Variants in QTGAL observed in about 807,000 individuals in gnomAD.
The protein encoded by QTGAL is queuosine-tRNA galactosyltransferase.
At chr17:83,028,531 A>G in the QTGAL span, among the ~76,000 whole-genome samples, 1 of 151,012 alleles carries the variant, frequency 6.6e-6, no homozygotes, top group African/African-American at 2.4e-5. Flanking sequence ...TCAAAAAAAA[A>G]AAAAAAAGAA....
At chr17:82,987,279 G>A in the QTGAL span, among the ~76,000 whole-genome samples, 1 of 151,854 alleles carries the variant, frequency 6.6e-6, no homozygotes, top group Non-Finnish European at 1.5e-5. Context: ...GCGAGAAAAA[G>A]GAAAAAATAA....
At chr17:83,012,453 G>A in the QTGAL span, among the ~76,000 whole-genome samples, 1 of 152,216 alleles carries the variant, frequency 6.6e-6, no homozygotes, top group Non-Finnish European at 1.5e-5. Flanking sequence ...TTAGACGTCT[G>A]TATGATTGAT....
At chr17:82,977,747 G>T in the QTGAL span, among the ~76,000 whole-genome samples, 391 of 152,272 alleles carry the variant, frequency 2.6e-3, 2 homozygotes, top group Non-Finnish European at 4.6e-3. Flanking sequence ...GGTGACGCCC[G>T]AGAGGAGAAG....
chr17:82,950,153 G>A, the QTGAL span, among the ~76,000 whole-genome samples: 3 of 152,204 alleles, frequency 2.0e-5, no homozygotes, highest in Non-Finnish European at 4.4e-5. Flanking sequence ...GCTGCCCCTG[G>A]AAGAACAAGC....
chr17:82,964,845 G>A, the QTGAL span, among the ~76,000 whole-genome samples: 3 of 108,382 alleles, frequency 2.8e-5, no homozygotes, highest in South Asian at 3.2e-4. Flanking sequence ...GGGAGGACGG[G>A]GACACGGACG....
the QTGAL span, among the ~76,000 whole-genome samples, chr17:83,038,114 T>C: frequency 6.6e-6 from 1 of 152,336 alleles, no homozygotes; most frequent in African/African-American, 2.4e-5. Flanking sequence ...CCATTTCAAA[T>C]ACCCAGCACT....
chr17:82,965,635 C>T, the QTGAL span: 165 of 1,588,222 alleles, frequency 1.0e-4, no homozygotes, highest in African/African-American at 1.8e-3. Flanking sequence ...ACCTGATTCC[C>T]GCCTTCGGCC....
chr17:82,956,754 G>A, the QTGAL span: 94 of 1,584,008 alleles, frequency 5.9e-5, no homozygotes, highest in African/African-American at 9.8e-4. The surrounding 1 kb of genome is among the most constrained non-coding windows in gnomAD (Gnocchi z 5.7). Context: ...ATGGGGATTC[G>A]GGGCTTGGGT....
chr17:83,031,647 G>A, the QTGAL span, among the ~76,000 whole-genome samples: 491 of 152,350 alleles, frequency 3.2e-3, 5 homozygotes, highest in African/African-American at 0.01. Flanking sequence ...AGGACAAGCC[G>A]TCTAGGCAGG....
chr17:83,008,493 G>A, the QTGAL span, among the ~76,000 whole-genome samples: 1 of 152,142 alleles, frequency 6.6e-6, no homozygotes, highest in Non-Finnish European at 1.5e-5. Context: ...GGGACACGGG[G>A]GGCTGTGCTC....
chr17:82,958,085 C>T, the QTGAL span, among the ~76,000 whole-genome samples: 1 of 152,132 alleles, frequency 6.6e-6, no homozygotes, highest in Non-Finnish European at 1.5e-5. Context: ...CTCTCTCCTC[C>T]CACCGCAGCC....
the QTGAL span, among the ~76,000 whole-genome samples, chr17:83,013,325 C>T: frequency 3.4e-5 from 5 of 148,644 alleles, no homozygotes; most frequent in East Asian, 4.3e-4. Context: ...CGCAAACCTC[C>T]GTGCAGCCGG....
chr17:82,977,317 T>G, the QTGAL span, among the ~76,000 whole-genome samples: 1 of 152,036 alleles, frequency 6.6e-6, no homozygotes, highest in Non-Finnish European at 1.5e-5. Context: ...TTAAAACGGC[T>G]TGAGGATGGA....
the QTGAL span, among the ~76,000 whole-genome samples, chr17:82,970,641 CACCCGGTGTGGCCGCGACCTCCG>C: frequency 2.3e-4 from 26 of 112,854 alleles, 1 homozygote; most frequent in Non-Finnish European, 3.7e-4. Context: ...GCGACCTCCG[CACCCGGTGTGGCCGCGACCTCCG>C]CACCCAGCGT....
At chr17:83,032,056 C>T in the QTGAL span, among the ~76,000 whole-genome samples, 11 of 152,178 alleles carry the variant, frequency 7.2e-5, no homozygotes, top group Non-Finnish European at 1.2e-4. Context: ...AGGCCTCCGA[C>T]GCAGACCGAA....
the QTGAL span, among the ~76,000 whole-genome samples, chr17:82,996,290 A>G: frequency 0.012 from 1,848 of 152,246 alleles, 43 homozygotes; most frequent in African/African-American, 0.042. Flanking sequence ...TTGGGAGGCC[A>G]AGGCAGGTGG....
chr17:83,006,563 C>T, the QTGAL span: 1 of 985,334 alleles, frequency 1.0e-6, no homozygotes, highest in Non-Finnish European at 1.2e-6. This position sits in a 1 kb window ranked among gnomAD's most constrained non-coding sequence, Gnocchi z 5.8. Flanking sequence ...GGCACGAGCA[C>T]CCGAGGCGCC....
At chr17:82,950,342 G>A in the QTGAL span, among the ~76,000 whole-genome samples, 3 of 152,158 alleles carry the variant, frequency 2.0e-5, no homozygotes, top group African/African-American at 7.2e-5. Context: ...TAACACATAC[G>A]ATAACAGTTT....
chr17:83,001,601 C>A, the QTGAL span, among the ~76,000 whole-genome samples: 1 of 2,098 alleles, frequency 4.8e-4, no homozygotes, highest in Non-Finnish European at 7.1e-4. Flanking sequence ...AGCAGAGGGG[C>A]GGGCGGGGTG....
Sources: allele counts gnomAD v4.1 joint callset (sites outside exome capture counted in the v4.1 genomes callset), GRCh38; gene constraint gnomAD v4.1.1; non-coding constraint Gnocchi (gnomAD v3.1); transcripts MANE v1.5; gene names NCBI Gene and HGNC (gene_info 2026-07-23, HGNC 2026-07-21).